Variants in VPS37A observed in about 807,000 individuals in gnomAD.
VPS37A encodes vacuolar protein sorting-associated protein 37A.
A neutral mutation model predicts 49.8 loss-of-function variants in VPS37A; 30 were observed. The observed-to-expected ratio is 0.60, with a 90% CI of 0.45 to 0.82. The LOEUF is 0.82. VPS37A is among the 40% of genes least tolerant of loss of function. The pLI is 0.00. For synonymous variants in VPS37A, 195 were observed against 160.6 expected, an observed-to-expected ratio of 1.21 and a Z score of -1.62; for missense variants, 593 against 464.4, an observed-to-expected ratio of 1.28 and a Z score of -2.55.
intron 10 of VPS37A, 88 bp downstream of exon 10, chr8:17,284,704 C>T (rs985492371): frequency 7.9e-5 from 112 of 1,416,804 alleles, no homozygotes; most frequent in Non-Finnish European, 1.0e-4. Context: ...TTAGCTATTT[C>T]TCTATTATGA....
chr8:17,282,407 A>AT (rs1436121659), intron 9 of VPS37A, among the ~76,000 whole-genome samples: 6 of 152,118 alleles, frequency 3.9e-5, no homozygotes, highest in African/African-American at 1.2e-4. Context: ...AGCTTCTAGG[A>AT]TTTTTTCTTT....
At chr8:17,288,965 G>T (rs1427230883) in intron 11 of VPS37A, among the ~76,000 whole-genome samples, 1 of 152,184 alleles carries the variant, frequency 6.6e-6, no homozygotes, top group African/African-American at 2.4e-5. Context: ...TGTCTCTAGT[G>T]ACCAGTGATG....
the VPS37A span, among the ~76,000 whole-genome samples, chr8:17,332,985 C>T: frequency 4.0e-5 from 6 of 151,840 alleles, no homozygotes; most frequent in Non-Finnish European, 8.8e-5. Context: ...ATACCGAGAG[C>T]ATATATGAAG....
chr8:17,331,137 G>A, the VPS37A span: 1 of 1,607,536 alleles, frequency 6.2e-7, no homozygotes, highest in East Asian at 2.2e-5. Flanking sequence ...CTGTGCATAA[G>A]GAAATGGTTT....
chr8:17,258,090 C>G (rs533849751), intron 1 of VPS37A, among the ~76,000 whole-genome samples: 15 of 152,020 alleles, frequency 9.9e-5, no homozygotes, highest in African/African-American at 3.4e-4. Context: ...TTGTGTCATC[C>G]GCGAACAAGG....
At chr8:17,292,525 C>A (rs1403582730) in intron 11 of VPS37A, among the ~76,000 whole-genome samples, 1 of 152,022 alleles carries the variant, frequency 6.6e-6, no homozygotes, top group Non-Finnish European at 1.5e-5. Context: ...GTTATTTTGC[C>A]CATTAGTTGA....
intron 11 of VPS37A, among the ~76,000 whole-genome samples, chr8:17,294,550 G>T (rs1816457797): frequency 6.6e-6 from 1 of 152,184 alleles, no homozygotes; most frequent in Non-Finnish European, 1.5e-5. Context: ...TAGTTTTGTG[G>T]TTGAAACCCG....
At chr8:17,285,047 GA>G (rs796755144) in intron 10 of VPS37A, among the ~76,000 whole-genome samples, 25 of 149,572 alleles carry the variant, frequency 1.7e-4, no homozygotes, top group African/African-American at 2.7e-4. Flanking sequence ...TGCTGATCTG[GA>G]AAAAAAAAAA....
At chr8:17,310,006 A>C in the VPS37A span, among the ~76,000 whole-genome samples, 1 of 152,004 alleles carries the variant, frequency 6.6e-6, no homozygotes, top group South Asian at 2.1e-4. Context: ...TTTATATTTT[A>C]AAATTTATTT....
At chr8:17,306,067 T>C (rs867983437), downstream of VPS37A, 1 of 844,360 alleles carries the variant, frequency 1.2e-6, no homozygotes, top group South Asian at 2.0e-5. Context: ...ATAAATCTTA[T>C]CTTACAAACT....
chr8:17,265,330 T>C (rs544913745), intron 1 of VPS37A, among the ~76,000 whole-genome samples: 1 of 152,368 alleles, frequency 6.6e-6, no homozygotes, highest in South Asian at 2.1e-4. Context: ...CTGGATGGGA[T>C]TTAAGTCTAT....
intron 1 of VPS37A, among the ~76,000 whole-genome samples, chr8:17,265,080 C>T (rs868260744): frequency 1.2e-4 from 18 of 152,120 alleles, no homozygotes; most frequent in African/African-American, 4.3e-4. Context: ...TTGACAGTTG[C>T]ATAGTCATCA....
At chr8:17,302,412 C>T, downstream of VPS37A, 1 of 977,704 alleles carries the variant, frequency 1.0e-6, no homozygotes, top group Non-Finnish European at 1.5e-6. Context: ...CTCAAAAAAG[C>T]CACTACTTAA....
the VPS37A span, among the ~76,000 whole-genome samples, chr8:17,318,917 C>T: frequency 1.3e-5 from 2 of 152,208 alleles, no homozygotes; most frequent in Admixed American, 6.5e-5. Flanking sequence ...CTCACATCTC[C>T]AACGTCTCCT....
chr8:17,260,869 T>C (rs1257865597), intron 1 of VPS37A, among the ~76,000 whole-genome samples: 1 of 152,202 alleles, frequency 6.6e-6, no homozygotes, highest in Non-Finnish European at 1.5e-5. Context: ...TTTTATGTTG[T>C]TTCTTTCCTC....
downstream of VPS37A, chr8:17,300,136 G>T: frequency 6.2e-7 from 1 of 1,614,086 alleles, no homozygotes; most frequent in Non-Finnish European, 8.5e-7. Context: ...GTTGTCTGAG[G>T]TAGAAAACCC....
At chr8:17,293,149 C>G (rs1264994331) in intron 11 of VPS37A, among the ~76,000 whole-genome samples, 1 of 151,810 alleles carries the variant, frequency 6.6e-6, no homozygotes, top group Non-Finnish European at 1.5e-5. Flanking sequence ...TTGTTTGTTC[C>G]TTTTTATTCT....
chr8:17,260,468 A>G (rs537549874), intron 1 of VPS37A, among the ~76,000 whole-genome samples: 2 of 152,208 alleles, frequency 1.3e-5, no homozygotes, highest in East Asian at 3.9e-4. Context: ...TGGGCCTCAT[A>G]CTGGAATTAT....
the VPS37A span, chr8:17,326,639 A>G: frequency 6.6e-6 from 1 of 152,242 alleles, no homozygotes; most frequent in Non-Finnish European, 1.5e-5. Context: ...AGGCACTCCC[A>G]CTGGCCTTGA....
Sources: gnomAD v4.1 joint callset for allele counts (sites outside exome capture counted in the v4.1 genomes callset) on GRCh38, gnomAD v4.1.1 for gene constraint, MANE v1.5 for transcripts, NCBI Gene and HGNC (gene_info 2026-07-23, HGNC 2026-07-21) for gene names.